CDCP1: variants seen among roughly 807,000 people sequenced by gnomAD.
CDCP1 encodes CUB domain-containing protein 1.
A neutral mutation model predicts 60.2 loss-of-function variants in CDCP1; 29 were observed. The ratio of observed to expected loss-of-function variants is 0.48; its 90% confidence interval spans 0.36 to 0.66. The LOEUF (loss-of-function observed/expected upper bound fraction) is 0.66. Among genes scored for constraint, CDCP1 ranks in the 30% least tolerant of loss-of-function variants. CDCP1 has a pLI of 0.00. For synonymous variants in CDCP1, 387 were observed against 431.1 expected, an observed-to-expected ratio of 0.90 and a Z score of 1.27; for missense variants, 876 against 1,074.3, an observed-to-expected ratio of 0.82 and a Z score of 2.58.
chr3:45,131,459 C>T (rs1699092502), intron 1 of CDCP1, among the ~76,000 whole-genome samples: 1 of 152,194 alleles, frequency 6.6e-6, no homozygotes, highest in Admixed American at 6.5e-5. Flanking sequence ...TAACTCCCAT[C>T]TCTCCTCTCA....
intron 4 of CDCP1, among the ~76,000 whole-genome samples, chr3:45,107,081 C>G (rs972354423): frequency 6.6e-6 from 1 of 152,204 alleles, no homozygotes; most frequent in East Asian, 1.9e-4. Context: ...GGTCCACTCT[C>G]CTGCCTCCAA....
chr3:45,110,092 C>A, intron 4 of CDCP1: 1 of 554,944 alleles, frequency 1.8e-6, no homozygotes, highest in Non-Finnish European at 2.5e-6. Flanking sequence ...AGTATGTGTC[C>A]ATAGTAGGGG....
chr3:45,089,052 ACTT>A lies in CDCP1; in HGVS notation c.2080_2081+1del. ...ATAAAGAGAGTAAGAGATTCCACCTACTTCTTTTTCACACAGCAAATGATGAGC... is the reference window on the plus strand; with the variant it reads ...ATAAAGAGAGTAAGAGATTCCACCTACTTTTTCACACAGCAAATGATGAGC... On this transcript the variant is annotated splice_donor_variant and coding_sequence_variant, in exon 8 of 9. Coordinates refer to ENST00000296129, the MANE Select transcript of CDCP1 (RefSeq NM_022842.5). LOFTEE classifies it high-confidence loss of function. 4 of 1,611,382 alleles carry A rather than the reference ACTT, an allele frequency of 2.5e-6. No individual in the cohort carries two copies. Among genetic ancestry groups the A allele is most frequent in the Non-Finnish European group, 3.4e-6 (4 of 1,177,538 alleles).
chr3:45,113,985 T>A (rs1432363382), intron 2 of CDCP1, among the ~76,000 whole-genome samples: 3 of 152,158 alleles, frequency 2.0e-5, no homozygotes, highest in Non-Finnish European at 4.4e-5. Flanking sequence ...TGTACTCTTG[T>A]GGAAACATTT....
At chr3:45,124,957 A>G (rs184710250) in intron 1 of CDCP1, among the ~76,000 whole-genome samples, 1 of 152,336 alleles carries the variant, frequency 6.6e-6, no homozygotes, top group Admixed American at 6.5e-5. Context: ...TCTGTTCATT[A>G]GACCCAAATA....
intron 4 of CDCP1, among the ~76,000 whole-genome samples, chr3:45,103,669 G>A (rs1038193524): frequency 6.6e-6 from 1 of 152,224 alleles, no homozygotes; most frequent in Non-Finnish European, 1.5e-5. Context: ...TTAGTTCCAT[G>A]GGAGTGGATC....
At chr3:45,143,086 C>A (rs1490868331) in intron 1 of CDCP1, among the ~76,000 whole-genome samples, 1 of 152,136 alleles carries the variant, frequency 6.6e-6, no homozygotes, top group Non-Finnish European at 1.5e-5. Context: ...CACCTGTAAT[C>A]CCAGCTACTC....
intron 1 of CDCP1, among the ~76,000 whole-genome samples, chr3:45,138,614 C>A (rs894344656): frequency 1.9e-4 from 29 of 152,082 alleles, no homozygotes; most frequent in South Asian, 2.1e-4. Context: ...AGGCTGAGGC[C>A]GAGGCGGGTG....
intron 1 of CDCP1, among the ~76,000 whole-genome samples, chr3:45,127,367 G>GC (rs1420948780): frequency 6.6e-6 from 1 of 152,196 alleles, no homozygotes; most frequent in Non-Finnish European, 1.5e-5. Flanking sequence ...CATGAGGTCT[G>GC]CCCGGGGGGT....
intron 4 of CDCP1, among the ~76,000 whole-genome samples, chr3:45,103,967 T>G (rs1368114101): frequency 6.6e-6 from 1 of 152,218 alleles, no homozygotes; most frequent in Non-Finnish European, 1.5e-5. Context: ...CATAAGAATC[T>G]GCCAGACAAT....
Position 45,106,664 on chromosome 3 carries a change from T to C in CDCP1, c.1024+3809A>G, listed in dbSNP as rs553073073. Among the ~76,000 whole-genome samples, 14 of 152,136 alleles carry C rather than the reference T, an allele frequency of 9.2e-5. No homozygotes were observed. The South Asian group carries it at 2.7e-3, about 29-fold the overall frequency. ...TGGAGACAGATAAATCCATGTTGTGTGAAGAATGCAAACCACCCACAAGTG... is the reference window on the plus strand; with the variant it reads ...TGGAGACAGATAAATCCATGTTGTGCGAAGAATGCAAACCACCCACAAGTG... On this transcript the variant is annotated intron_variant, in intron 4 of 8. Coordinates refer to ENST00000296129, the MANE Select transcript of CDCP1 (RefSeq NM_022842.5).
At position 45,084,979 on chromosome 3, in the gene CDCP1, GAT is replaced by G. The variant is rs1698164540; in HGVS notation, c.*657_*658del. ...AATCAGGAAGTCTCTTATCAAAGCA[GAT>G]ATGTGTCAATGCTGCTCAAACACAC... On this transcript the variant is annotated 3_prime_UTR_variant, in exon 9 of 9. Coordinates refer to ENST00000296129, the MANE Select transcript of CDCP1 (RefSeq NM_022842.5). 1 of 152,634 alleles carries G rather than the reference GAT, an allele frequency of 6.6e-6. No individual in the cohort carries two copies. Among genetic ancestry groups the G allele is most frequent in the South Asian group, 2.1e-4 (1 of 4,828 alleles). The allele number at this position is 152,634 out of a possible 1,614,324, so 9.5% of individuals were successfully genotyped here.
intron 1 of CDCP1, among the ~76,000 whole-genome samples, chr3:45,145,932 C>T (rs1699376487): frequency 6.6e-6 from 1 of 151,900 alleles, no homozygotes; most frequent in African/African-American, 2.4e-5. Flanking sequence ...TCCTCCCGGA[C>T]CGGGAGGCTC....
chr3:45,137,604 CA>C (rs1415628685), intron 1 of CDCP1, among the ~76,000 whole-genome samples: 8 of 142,236 alleles, frequency 5.6e-5, no homozygotes, highest in African/African-American at 2.1e-4. Flanking sequence ...ATCAGGAGTT[CA>C]AGACCAGCCT....
chr3:45,091,085 A>T lies in CDCP1; in HGVS notation c.1993+88T>A, dbSNP rs6791801. On this transcript the variant is annotated intron_variant, in intron 7 of 8. Coordinates refer to ENST00000296129, the MANE Select transcript of CDCP1 (RefSeq NM_022842.5). This position sits in a 1 kb window ranked among gnomAD's most constrained non-coding sequence, Gnocchi z 4.8. Reference sequence around the variant, plus strand: ...ATGGACAGTCAGGACTCAATCTGTGATTCTGACTTGTCTCCAGGCTTGCTC... The same window carrying T: ...ATGGACAGTCAGGACTCAATCTGTGTTTCTGACTTGTCTCCAGGCTTGCTC... The T allele has an allele frequency of 0.38, 537,800 of 1,432,528 alleles. 102,507 individuals carry two copies. The highest frequency in any genetic ancestry group is 0.46 in the Middle Eastern group (1,872 of 4,046). 88.7% of individuals were successfully genotyped at this position (1,432,528 alleles called of 1,614,324 possible). A position where few individuals can be genotyped will look rare whatever the true frequency, so the allele number is the denominator to read the frequency against.
intron 2 of CDCP1, among the ~76,000 whole-genome samples, 170 bp downstream of exon 2, chr3:45,118,242 G>A (rs4683048): frequency 2.6e-5 from 4 of 152,090 alleles, no homozygotes; most frequent in African/African-American, 9.7e-5. Flanking sequence ...GCTGTGTAAC[G>A]CATTTAGAAC....
At chr3:45,123,774 C>A (rs1254505418) in intron 1 of CDCP1, among the ~76,000 whole-genome samples, 1 of 152,160 alleles carries the variant, frequency 6.6e-6, no homozygotes, top group African/African-American at 2.4e-5. Flanking sequence ...CTTTCTTTTG[C>A]CTCCCCAGGA....
chr3:45,142,694 G>T (rs992406248), intron 1 of CDCP1, among the ~76,000 whole-genome samples: 2 of 151,988 alleles, frequency 1.3e-5, no homozygotes, highest in African/African-American at 4.8e-5. Flanking sequence ...ATGGAAATAC[G>T]CAACTAAAGC....
chr3:45,110,204 C>G lies in CDCP1; in HGVS notation c.1024+269G>C, dbSNP rs1441637877. The G allele has an allele frequency of 6.8e-6, 9 of 1,321,284 alleles. No individual in the cohort carries two copies. In the African/African-American group the frequency reaches 1.0e-4, roughly 15 times the overall value. The allele number at this position is 1,321,284 out of a possible 1,614,324, so 81.8% of individuals were successfully genotyped here. ...CAAGACATAAGATCTAGAAAAATGA[C>G]CTTTCAATGCCTTCGTTAAAAACAA... On this transcript the variant is annotated intron_variant, in intron 4 of 8. Coordinates refer to ENST00000296129, the MANE Select transcript of CDCP1 (RefSeq NM_022842.5).
Sources: allele counts gnomAD v4.1 joint callset (sites outside exome capture counted in the v4.1 genomes callset), GRCh38; gene constraint gnomAD v4.1.1; non-coding constraint Gnocchi (gnomAD v3.1); transcripts MANE v1.5; gene names NCBI Gene and HGNC (gene_info 2026-07-23, HGNC 2026-07-21).